CT55: variants seen among roughly 807,000 people sequenced by gnomAD.
The protein encoded by CT55 is cancer/testis antigen 55.
In CT55, 1 loss-of-function variant was observed where a neutral mutation model predicts 12.6. That is an observed-to-expected ratio of 0.08 (90% CI 0.03 to 0.38). The LOEUF is 0.38. CT55 is among the 10% of genes least tolerant of loss of function. The pLI is 0.99. For synonymous variants in CT55, 43 were observed against 49.7 expected, an observed-to-expected ratio of 0.87 and a Z score of 0.57; for missense variants, 109 against 135.4, an observed-to-expected ratio of 0.80 and a Z score of 0.97.
intron 2 of CT55, among the ~76,000 whole-genome samples, chrX:135,164,071 C>T (rs782480586): frequency 2.7e-5 from 3 of 111,606 alleles, no homozygotes; most frequent in Non-Finnish European, 3.8e-5. Flanking sequence ...ACGTAAGGGA[C>T]GCTAATGAGT....
chrX:135,169,973 A>T (rs1280934831), intron 1 of CT55, among the ~76,000 whole-genome samples, 195 bp from the exon 2 acceptor site: 1 of 112,042 alleles, frequency 8.9e-6, no homozygotes, highest in Non-Finnish European at 1.9e-5. Context: ...AAATATTTTT[A>T]AAAATTTATT....
In CT55 at chrX:135,171,202, C is replaced by T. The variant is rs41310456; in HGVS notation, c.-31G>A. Reference sequence around the variant, plus strand: ...CAGTTGTCACCACCGGCCTGGGCACCGCTTGTGGCAGATGAAGCACGAGGC... The same window carrying T: ...CAGTTGTCACCACCGGCCTGGGCACTGCTTGTGGCAGATGAAGCACGAGGC... On this transcript the variant is annotated 5_prime_UTR_variant, in exon 1 of 6. Coordinates refer to ENST00000276241, the MANE Select transcript of CT55 (RefSeq NM_001031705.3). The T allele has an allele frequency of 4.8e-3, 5,813 of 1,207,126 alleles. 15 individuals are homozygous for T. Among genetic ancestry groups the T allele is most frequent in the Middle Eastern group, 0.015 (64 of 4,343 alleles).
At chrX:135,161,543 C>T (rs1248290980) in intron 2 of CT55, among the ~76,000 whole-genome samples, 1 of 112,058 alleles carries the variant, frequency 8.9e-6, no homozygotes, top group Non-Finnish European at 1.9e-5. Context: ...CAAGAGAGGA[C>T]GGAAAGAGTC....
chrX:135,160,441 T>A lies in CT55; in HGVS notation c.394A>T (p.Ile132Phe), dbSNP rs1556404979. ...NEDNIYISNS[I>F]YFSIAIVSED... ...GAAACAATGGCTATGGAAAAATAAA[T>A]GCTGTTACTAATATAAATATTATCT... The change falls in exon 3 of 6, where the codon ATT becomes TTT. Residue 132 changes from isoleucine (I) to phenylalanine (F), a missense_variant. By Grantham distance (21) the Ile-to-Phe change is conservative (BLOSUM62 0). Transcript: ENST00000276241. 1.7e-6 allele frequency: 2 copies of A among 1,168,761 alleles called. No individual in the cohort carries two copies. Among genetic ancestry groups the A allele is most frequent in the Non-Finnish European group, 2.3e-6 (2 of 873,983 alleles).
rs2083545680 is a variant in CT55 at position 135,158,219 on chromosome X, G to T, written c.517C>A (p.Arg173Ser). Residue 173 changes from arginine (R) to serine (S), a missense_variant, in exon 4 of 6, where the codon CGT becomes AGT. By Grantham distance (110) the Arg-to-Ser change is moderately radical. Transcript: ENST00000276241. The part of the protein sequence containing the change: ...NIKATSVKPI[R>S]CIHTEEVCIT... ...ATTACCTCTTCCGTATGAATACAAC[G>T]GATGGGCTTCACAGAAGTTGCCTTG... The T allele has an allele frequency of 1.7e-6, 2 of 1,197,870 alleles. No individual in the cohort carries two copies. Among genetic ancestry groups the T allele is most frequent in the East Asian group, 3.0e-5 (1 of 33,715 alleles).
rs782053995 is a variant in CT55 at position 135,170,757 on chromosome X, T to C, written c.94+321A>G. 7.2e-5 allele frequency among the ~76,000 whole-genome samples: 8 copies of C among 111,491 alleles called. No homozygotes were observed. In the Admixed American group the frequency reaches 7.6e-4, roughly 11 times the overall value. ...TACAAGCCTAAATTAACTCGCAAATTAGGGAGTTTCTCGCCTACTGGAAAT... is the reference window on the plus strand; with the variant it reads ...TACAAGCCTAAATTAACTCGCAAATCAGGGAGTTTCTCGCCTACTGGAAAT... On this transcript the variant is annotated intron_variant, in intron 1 of 5. Coordinates refer to ENST00000276241, the MANE Select transcript of CT55 (RefSeq NM_001031705.3).
chrX:135,167,671 C>T (rs782782774), intron 2 of CT55, among the ~76,000 whole-genome samples: 2 of 109,217 alleles, frequency 1.8e-5, no homozygotes, highest in Non-Finnish European at 3.8e-5. Flanking sequence ...ACAATCTATG[C>T]GATAGGAGAA....
At chrX:135,158,335 G>T in intron 3 of CT55, 24 bp from the exon 4 acceptor site, 1 of 965,617 alleles carries the variant, frequency 1.0e-6, no homozygotes, top group Non-Finnish European at 1.5e-6. Flanking sequence ...GGAGAAATGT[G>T]AGTGTCATGA....
At chrX:135,164,281 G>A (rs1281130910) in intron 2 of CT55, among the ~76,000 whole-genome samples, 1 of 112,099 alleles carries the variant, frequency 8.9e-6, no homozygotes, top group Non-Finnish European at 1.9e-5. Flanking sequence ...GTGTGAAATA[G>A]AAAACTCAAA....
intron 2 of CT55, among the ~76,000 whole-genome samples, chrX:135,167,985 C>G (rs1398045511): frequency 2.7e-5 from 3 of 111,173 alleles, no homozygotes; most frequent in Admixed American, 9.5e-5. Context: ...GCTTTATGCA[C>G]GGTTGGTGGG....
chrX:135,170,970 G>A (rs781880972), intron 1 of CT55, 108 bp downstream of exon 1: 2 of 1,107,835 alleles, frequency 1.8e-6, no homozygotes, highest in East Asian at 3.2e-5. Context: ...TGGAGCCACC[G>A]TCACGTGCAG....
chrX:135,169,409 A>C (rs1459031821), intron 2 of CT55, among the ~76,000 whole-genome samples, 185 bp downstream of exon 2: 1 of 112,394 alleles, frequency 8.9e-6, no homozygotes, highest in Non-Finnish European at 1.9e-5. Context: ...TATGTTTTAC[A>C]GCACAAATTA....
intron 2 of CT55, among the ~76,000 whole-genome samples, chrX:135,162,369 A>G (rs781911820): frequency 1.8e-5 from 2 of 112,647 alleles, no homozygotes; most frequent in East Asian, 5.6e-4. Context: ...TATTTATAGT[A>G]TGTAAAAATT....
chrX:135,167,726 T>C (rs544664215), intron 2 of CT55, among the ~76,000 whole-genome samples: 3 of 109,753 alleles, frequency 2.7e-5, no homozygotes, highest in African/African-American at 1.0e-4. Flanking sequence ...GTTTCCAAAA[T>C]GTAACTCCAA....
intron 2 of CT55, among the ~76,000 whole-genome samples, chrX:135,164,658 C>CAACAAA (rs1302393719): frequency 5.4e-5 from 6 of 111,830 alleles, no homozygotes; most frequent in Non-Finnish European, 1.1e-4. Flanking sequence ...TAAAAAGCAA[C>CAACAAA]AACAAAAACA....
chrX:135,162,810 A>C (rs1206378517), intron 2 of CT55, among the ~76,000 whole-genome samples: 1 of 111,341 alleles, frequency 9.0e-6, no homozygotes, highest in Non-Finnish European at 1.9e-5. Context: ...ACAGCAAAAC[A>C]AACTCAATAT....
intron 2 of CT55, among the ~76,000 whole-genome samples, chrX:135,168,744 A>C (rs782187883): frequency 1.8e-5 from 2 of 111,913 alleles, no homozygotes; most frequent in Non-Finnish European, 3.8e-5. Flanking sequence ...TTATATCTCA[A>C]TAATGCTGTA....
chrX:135,170,614 G>A (rs1334244955), intron 1 of CT55, among the ~76,000 whole-genome samples: 1 of 110,099 alleles, frequency 9.1e-6, no homozygotes, highest in Non-Finnish European at 1.9e-5. Flanking sequence ...AAGCCTAGCT[G>A]ATCAGCAATA....
At chrX:135,161,611 A>G (rs7054095) in intron 2 of CT55, among the ~76,000 whole-genome samples, 1,137 of 112,484 alleles carry the variant, frequency 0.01, 11 homozygotes, top group African/African-American at 0.034. Flanking sequence ...TCACATAATT[A>G]GACATTTCAC....
Sources: gnomAD v4.1 joint callset for allele counts (sites outside exome capture counted in the v4.1 genomes callset) on GRCh38, gnomAD v4.1.1 for gene constraint, MANE v1.5 for transcripts, NCBI Gene and HGNC (gene_info 2026-07-23, HGNC 2026-07-21) for gene names.